Variants in PLEKHA8 observed in about 807,000 individuals in gnomAD.
PLEKHA8 encodes pleckstrin homology domain containing A8.
Under a neutral mutation model 68.2 loss-of-function variants are expected in PLEKHA8, and 36 were observed. The observed-to-expected ratio is 0.53, with a 90% CI of 0.40 to 0.70. The LOEUF is 0.70. Among genes scored for constraint, PLEKHA8 ranks in the 30% least tolerant of loss-of-function variants. The pLI is 0.00. For missense variants in PLEKHA8, 505 were observed against 615.4 expected, an observed-to-expected ratio of 0.82 and a Z score of 1.90; for synonymous variants, 211 against 216.1, an observed-to-expected ratio of 0.98 and a Z score of 0.20.
chr7:30,116,702 T>C (rs1053168941), intron 13 of PLEKHA8, among the ~76,000 whole-genome samples: 3 of 152,244 alleles, frequency 2.0e-5, no homozygotes, highest in Admixed American at 2.0e-4. Context: ...TGAATAACTT[T>C]ATATTTCCGG....
rs528960501 is a variant in PLEKHA8 at position 30,077,293 on chromosome 7, T to TATCATTC, written c.1363-1294_1363-1288dup. Among the ~76,000 whole-genome samples the TATCATTC allele has an allele frequency of 4.9e-3, 739 of 152,292 alleles. 3 individuals carry two copies. The Middle Eastern group carries it at 0.065, about 13-fold the overall frequency. Reference sequence around the variant, plus strand: ...TTTCATGATGTGCCCTTTTGGTCTTTATCATTCATTATGCTGAGCACTTGA... The same window carrying TATCATTC: ...TTTCATGATGTGCCCTTTTGGTCTTTATCATTCATCATTCATTATGCTGAGCACTTGA... On this transcript the variant is annotated intron_variant, in intron 13 of 13. Transcript: ENST00000449726.
chr7:30,074,048 A>T, intron 12 of PLEKHA8, 23 bp from the exon 13 acceptor site: 1 of 1,595,036 alleles, frequency 6.3e-7, no homozygotes, highest in Non-Finnish European at 8.6e-7. Context: ...AGTGTTCCTC[A>T]TGGAGTTTTT....
intron 1 of PLEKHA8, among the ~76,000 whole-genome samples, chr7:30,036,748 AGTCTGTC>A (rs1791130084): frequency 6.6e-6 from 1 of 152,238 alleles, no homozygotes; most frequent in African/African-American, 2.4e-5. Context: ...ACTCTCCAGT[AGTCTGTC>A]ACTCCTTGAG....
At chr7:30,098,468 C>T (rs1036319820) in intron 13 of PLEKHA8, among the ~76,000 whole-genome samples, 19 of 152,376 alleles carry the variant, frequency 1.2e-4, no homozygotes, top group Non-Finnish European at 2.5e-4. Context: ...CTGTGGTGGG[C>T]TCCACCCAGT....
Position 30,083,097 on chromosome 7 carries a change from A to G in PLEKHA8, c.*4310A>G, listed in dbSNP as rs1306295087. ...TAGATGTAGAGTTTATAAGTAAAAT[A>G]TATTTTTAGCCATTGTTCTGTTAGC... On this transcript the variant is annotated 3_prime_UTR_variant, in exon 14 of 14. Transcript: ENST00000449726. 2 of 983,930 alleles carry G rather than the reference A, an allele frequency of 2.0e-6. No homozygotes were observed. The highest frequency in any genetic ancestry group is 2.4e-6 in the Non-Finnish European group (2 of 828,678). The allele number at this position is 983,930 out of a possible 1,614,324, so 60.9% of individuals were successfully genotyped here.
intron 13 of PLEKHA8, among the ~76,000 whole-genome samples, chr7:30,101,885 G>A (rs55778823): frequency 0.13 from 20,294 of 152,080 alleles, 1,359 homozygotes; most frequent in Middle Eastern, 0.16. Flanking sequence ...CCAGCAGGTA[G>A]ATATGACACT....
chr7:30,101,785 A>G (rs977827530), intron 13 of PLEKHA8, among the ~76,000 whole-genome samples: 7 of 152,366 alleles, frequency 4.6e-5, no homozygotes, highest in Non-Finnish European at 7.3e-5. Context: ...GAAAAGAGCT[A>G]TACCACATTC....
At chr7:30,115,618 A>G (rs1190425860) in intron 13 of PLEKHA8, among the ~76,000 whole-genome samples, 4 of 151,830 alleles carry the variant, frequency 2.6e-5, no homozygotes, top group East Asian at 1.9e-4. Flanking sequence ...TTATACATGC[A>G]CACATACATG....
intron 13 of PLEKHA8, among the ~76,000 whole-genome samples, chr7:30,125,490 T>C (rs561193665): frequency 6.6e-6 from 1 of 152,330 alleles, no homozygotes; most frequent in Admixed American, 6.5e-5. Context: ...TGGCTGTCCA[T>C]GATTTATTTT....
intron 9 of PLEKHA8, 78 bp downstream of exon 9, chr7:30,055,420 C>T: frequency 7.9e-7 from 1 of 1,258,334 alleles, no homozygotes; most frequent in Non-Finnish European, 1.2e-6. Flanking sequence ...GGAGAAATAC[C>T]CCAAACTATG....
chr7:30,129,303 A>G lies in PLEKHA8; in HGVS notation c.*32A>G, dbSNP rs770414868. The G allele has an allele frequency of 1.9e-6, 3 of 1,612,692 alleles. No individual in the cohort carries two copies. The African/African-American group carries it at 4.0e-5, about 22-fold the overall frequency. ...GGGTGTAGACGGAACTCCAGAAACC[A>G]TCATGGACCATGAGGCAACTCTGAG... is the stretch of plus-strand genomic sequence containing the variant. On this transcript the variant is annotated 3_prime_UTR_variant, in exon 14 of 14. Coordinates refer to the PLEKHA8 transcript ENST00000396257.
At chr7:30,070,385 T>C (rs993674944) in intron 12 of PLEKHA8, among the ~76,000 whole-genome samples, 9 of 152,284 alleles carry the variant, frequency 5.9e-5, no homozygotes, top group African/African-American at 1.9e-4. Context: ...AGACTCCCCA[T>C]GCTGTTTGGA....
intron 9 of PLEKHA8, among the ~76,000 whole-genome samples, chr7:30,059,922 G>C (rs894299025): frequency 6.6e-6 from 1 of 152,196 alleles, no homozygotes; most frequent in Admixed American, 6.5e-5. Flanking sequence ...GGTGGCTCAC[G>C]CCTGTAATCC....
intron 13 of PLEKHA8, among the ~76,000 whole-genome samples, chr7:30,123,963 A>G (rs139265856): frequency 1.3e-5 from 2 of 152,286 alleles, no homozygotes; most frequent in East Asian, 3.9e-4. Context: ...AACTTTATAT[A>G]CTTTTGCTGA....
downstream of PLEKHA8, among the ~76,000 whole-genome samples, chr7:30,087,791 C>G (rs1398585776): frequency 6.6e-6 from 1 of 152,172 alleles, no homozygotes; most frequent in African/African-American, 2.4e-5. Context: ...CAAAATCTTC[C>G]CAGACTCAAC....
chr7:30,098,883 A>G (rs1183247744), intron 13 of PLEKHA8, among the ~76,000 whole-genome samples: 2 of 152,192 alleles, frequency 1.3e-5, no homozygotes. Context: ...TTGGAAATGC[A>G]GAAATCACCC....
rs1455939406 is a variant in PLEKHA8 at position 30,060,884 on chromosome 7, A to G, written c.1040A>G (p.Asp347Gly). ...ASCYAVVPVL[D>G]KLGPTVFAPV... ...AAATGTTTTTAATCTTTTCTTCTAGACAAACTTGGCCCTACAGTGTTTGCT... is the reference window on the plus strand; with the variant it reads ...AAATGTTTTTAATCTTTTCTTCTAGGCAAACTTGGCCCTACAGTGTTTGCT... The change falls in exon 10 of 14, where the codon GAC (aspartate) becomes GGC (glycine). Residue 347 changes from aspartate (D) to glycine (G), a missense_variant and splice_region_variant. Coordinates refer to ENST00000449726, the MANE Select transcript of PLEKHA8 (RefSeq NM_001197026.2). The G allele has an allele frequency of 6.2e-7, 1 of 1,611,468 alleles. No homozygotes were observed. The highest frequency in any genetic ancestry group is 8.5e-7 in the Non-Finnish European group (1 of 1,179,146).
chr7:30,045,998 A>G (rs1382041942), intron 2 of PLEKHA8, among the ~76,000 whole-genome samples: 1 of 152,194 alleles, frequency 6.6e-6, no homozygotes, highest in Non-Finnish European at 1.5e-5. Context: ...CTTGGAGGCA[A>G]TTGCAAGGTT....
chr7:30,117,404 T>C (rs1192226718), intron 13 of PLEKHA8, among the ~76,000 whole-genome samples: 1 of 152,158 alleles, frequency 6.6e-6, no homozygotes, highest in Non-Finnish European at 1.5e-5. Context: ...AAATGTAATT[T>C]ATTAAAAATT....
Sources: allele counts gnomAD v4.1 joint callset (sites outside exome capture counted in the v4.1 genomes callset), GRCh38; gene constraint gnomAD v4.1.1; transcripts MANE v1.5; gene names NCBI Gene and HGNC (gene_info 2026-07-23, HGNC 2026-07-21).